TUSC3: variants seen among roughly 807,000 people sequenced by gnomAD.
The protein encoded by TUSC3 is tumor suppressor candidate 3.
Under a neutral mutation model 44.8 loss-of-function variants are expected in TUSC3, and 45 were observed. The observed-to-expected ratio is 1.00, with a 90% CI of 0.79 to 1.29. The LOEUF (loss-of-function observed/expected upper bound fraction) is 1.29. Ranked by LOEUF, TUSC3 falls within the 50% of genes most tolerant of loss-of-function variation. The probability of loss-of-function intolerance (pLI) is 0.00; values close to 1 mark genes in which losing one functional copy is unlikely to be tolerated. For synonymous variants in TUSC3, 212 were observed against 152.9 expected (o/e 1.39, Z -2.85); for missense variants, 519 against 437.9 (o/e 1.19, Z -1.65).
At chr8:15,780,403 A>C in the TUSC3 span, among the ~76,000 whole-genome samples, 46 of 152,276 alleles carry the variant, frequency 3.0e-4, no homozygotes, top group African/African-American at 1.1e-3. Context: ...TTGATTCATC[A>C]ACTTGGAACA....
At chr8:15,767,961 A>C (rs577585141), downstream of TUSC3, among the ~76,000 whole-genome samples, 9 of 152,280 alleles carry the variant, frequency 5.9e-5, no homozygotes, top group East Asian at 1.7e-3. Flanking sequence ...GGACATACAC[A>C]TACCCAGGGC....
At chr8:15,677,367 A>C (rs1202094609) in intron 6 of TUSC3, among the ~76,000 whole-genome samples, 2 of 152,190 alleles carry the variant, frequency 1.3e-5, no homozygotes, top group African/African-American at 4.8e-5. Context: ...ATATGCTTAC[A>C]AAGAGATTTT....
intron 1 of TUSC3, among the ~76,000 whole-genome samples, chr8:15,568,687 C>G (rs1802761084): frequency 1.3e-5 from 2 of 150,442 alleles, no homozygotes; most frequent in African/African-American, 4.9e-5. Context: ...ACTGCAACTT[C>G]CATCTGCCAG....
intron 3 of TUSC3, among the ~76,000 whole-genome samples, chr8:15,654,633 C>T (rs1807075100): frequency 6.6e-6 from 1 of 151,952 alleles, no homozygotes; most frequent in South Asian, 2.1e-4. Flanking sequence ...CCCATCTCTA[C>T]TAAAAATACA....
intron 1 of TUSC3, among the ~76,000 whole-genome samples, chr8:15,583,942 C>T (rs1803487660): frequency 1.3e-5 from 2 of 152,128 alleles, no homozygotes; most frequent in African/African-American, 2.4e-5. Context: ...CCTTAGTAAG[C>T]AGATGTGCTG....
upstream of TUSC3, among the ~76,000 whole-genome samples, chr8:15,535,936 C>T (rs150545434): frequency 3.3e-5 from 5 of 152,266 alleles, no homozygotes; most frequent in Admixed American, 6.5e-5. Flanking sequence ...TAACCCAGGA[C>T]GGCCTTGAAT....
At chr8:15,595,002 A>C (rs938533358) in intron 1 of TUSC3, among the ~76,000 whole-genome samples, 3 of 152,064 alleles carry the variant, frequency 2.0e-5, no homozygotes, top group Non-Finnish European at 4.4e-5. Flanking sequence ...GGGCAATATG[A>C]TACTCTGGGC....
intron 10 of TUSC3, among the ~76,000 whole-genome samples, chr8:15,758,785 G>T (rs966181039): frequency 6.6e-6 from 1 of 152,024 alleles, no homozygotes; most frequent in African/African-American, 2.4e-5. Context: ...CTTTACATAG[G>T]CCTCTCTGTG....
intron 2 of TUSC3, among the ~76,000 whole-genome samples, chr8:15,484,986 A>G (rs1271997901): frequency 6.6e-6 from 1 of 152,134 alleles, no homozygotes; most frequent in African/African-American, 2.4e-5. Flanking sequence ...GGCGTATGGT[A>G]TGGTGTGAGC....
chr8:15,529,845 C>T (rs1268101160), intron 2 of TUSC3, among the ~76,000 whole-genome samples: 2 of 107,520 alleles, frequency 1.9e-5, no homozygotes, highest in East Asian at 3.1e-4. Context: ...GGCCGGACTG[C>T]GGACTGCAAT....
At chr8:15,425,986 A>G (rs760082568) in intron 1 of TUSC3, among the ~76,000 whole-genome samples, 3 of 152,234 alleles carry the variant, frequency 2.0e-5, no homozygotes, top group Admixed American at 6.5e-5. Context: ...ATTGTACTCA[A>G]GCCTGGACAA....
chr8:15,638,521 T>C (rs971634802), intron 2 of TUSC3, among the ~76,000 whole-genome samples: 11 of 123,616 alleles, frequency 8.9e-5, no homozygotes, highest in Admixed American at 1.6e-4. Flanking sequence ...TTTTCTTTTT[T>C]TTTTTTTTTT....
chr8:15,631,024 C>G (rs1805738864), intron 2 of TUSC3, among the ~76,000 whole-genome samples: 1 of 152,110 alleles, frequency 6.6e-6, no homozygotes, highest in Non-Finnish European at 1.5e-5. Flanking sequence ...GATAATATTT[C>G]TTCATAGCCC....
intron 1 of TUSC3, among the ~76,000 whole-genome samples, chr8:15,567,746 T>G (rs1211553864): frequency 6.6e-6 from 1 of 152,212 alleles, no homozygotes; most frequent in Non-Finnish European, 1.5e-5. Context: ...GGTTGGAATG[T>G]AACAAATGGT....
chr8:15,426,516 C>G (rs1799806371), intron 1 of TUSC3, among the ~76,000 whole-genome samples: 1 of 152,178 alleles, frequency 6.6e-6, no homozygotes, highest in African/African-American at 2.4e-5. Context: ...CTGTGACTGG[C>G]TTATTTCACT....
the TUSC3 span, among the ~76,000 whole-genome samples, chr8:15,797,642 G>C: frequency 1.3e-5 from 2 of 152,158 alleles, no homozygotes; most frequent in Non-Finnish European, 2.9e-5. Flanking sequence ...GCTCCTTGTG[G>C]CAAATGGCAG....
At chr8:15,782,313 A>C in the TUSC3 span, among the ~76,000 whole-genome samples, 1 of 152,230 alleles carries the variant, frequency 6.6e-6, no homozygotes, top group Admixed American at 6.5e-5. Flanking sequence ...TCTGTACAAA[A>C]AAAAATTTTT....
rs771958940 is a variant in TUSC3 at position 15,540,472 on chromosome 8, G to T, written c.42G>T (p.Gly14=). Residue 14 remains glycine (G), a synonymous_variant, in exon 1 of 11, where the codon GGG becomes GGT. Transcript: ENST00000503731. ...CTCCTTCACGCCGTAGGCAAGCGGG[G>T]CGGCGGCTGCGGTACCTGCCCACCG... ...RGAPSRRRQA[G]RRLRYLPTGS... 1.9e-6 allele frequency: 3 copies of T among 1,607,110 alleles called. No individual in the cohort carries two copies. Among genetic ancestry groups the T allele is most frequent in the African/African-American group, 1.3e-5 (1 of 74,206 alleles).
At chr8:15,507,952 T>G (rs1801081080) in intron 2 of TUSC3, among the ~76,000 whole-genome samples, 1 of 152,206 alleles carries the variant, frequency 6.6e-6, no homozygotes, top group South Asian at 2.1e-4. Context: ...AGTCAAAACT[T>G]GCTCTGAGGC....
Sources: gnomAD v4.1 joint callset for allele counts (sites outside exome capture counted in the v4.1 genomes callset) on GRCh38, gnomAD v4.1.1 for gene constraint, MANE v1.5 for transcripts, NCBI Gene and HGNC (gene_info 2026-07-23, HGNC 2026-07-21) for gene names.